Variants in LEFTY2 observed in about 807,000 individuals in gnomAD.
The protein encoded by LEFTY2 is TGF-beta-4.
In LEFTY2, 10 loss-of-function variants were observed where a neutral mutation model predicts 26.4. That is an observed-to-expected ratio of 0.38 (90% CI 0.23 to 0.64). The LOEUF (loss-of-function observed/expected upper bound fraction) is 0.64. Among genes scored for constraint, LEFTY2 ranks in the 30% least tolerant of loss-of-function variants. The probability of loss-of-function intolerance (pLI) is 0.56; values close to 1 mark genes in which losing one functional copy is unlikely to be tolerated. For synonymous variants in LEFTY2, 204 were observed against 234.1 expected (o/e 0.87, Z 1.17); for missense variants, 407 against 502.1 (o/e 0.81, Z 1.81).
chr1:225,937,723 C>T lies in LEFTY2; in HGVS notation c.819G>A (p.Gln273=). ...CCCAGTTCTTGGCCCACTTCATCCC[C>T]TGCAGGTCAATGTACATCTCCTGGC... ...CCRQEMYIDL[Q]GMKWAKNWVL... The change falls in exon 4 of 4, where the codon CAG becomes CAA. Residue 273 remains glutamine, a synonymous_variant. Transcript: ENST00000366820. 6.2e-7 allele frequency: 1 copy of T among 1,612,742 alleles called. No homozygotes were observed. The highest frequency in any genetic ancestry group is 8.5e-7 in the Non-Finnish European group (1 of 1,178,926).
rs1576154563 is a variant in LEFTY2, at chr1:225,936,697, A to G, written c.*744T>C. ...GCAAATACATGTGGTTTCTGGTGAC[A>G]AGTTCTCTAAGACAGTGTGGGAAAT... On this transcript the variant is annotated 3_prime_UTR_variant, in exon 4 of 4. Coordinates refer to ENST00000366820, the MANE Select transcript of LEFTY2 (RefSeq NM_003240.5). 1.3e-5 allele frequency: 2 copies of G among 152,330 alleles called. No individual in the cohort carries two copies. The highest frequency in any genetic ancestry group is 3.9e-4 in the East Asian group (2 of 5,184). 9.4% of individuals were successfully genotyped at this position (152,330 alleles called of 1,614,324 possible).
chr1:225,939,548 C>T lies in LEFTY2; in HGVS notation c.550G>A (p.Val184Met). 1 of 1,611,964 alleles carries T rather than the reference C, an allele frequency of 6.2e-7. No homozygotes were observed. The highest frequency in any genetic ancestry group is 8.5e-7 in the Non-Finnish European group (1 of 1,179,770). Residue 184 changes from valine to methionine, a missense_variant, in exon 3 of 4, where the codon GTG (valine) becomes ATG (methionine). Transcript: ENST00000366820. This position sits in a 1 kb window ranked among gnomAD's most constrained non-coding sequence, Gnocchi z 4.1. ...GWKAFDVTEAVNFWQQLSRPR... is the reference protein window; with the variant it reads ...GWKAFDVTEAMNFWQQLSRPR... ...CGGCTCAGCTGCTGCCAGAAGTTCA[C>T]GGCCTCGGTCACGTCGAAGGCCTTC... is the stretch of plus-strand genomic sequence containing the variant.
At position 225,939,322 on chromosome 1, in the gene LEFTY2, G is replaced by C. The variant is rs1250195834; in HGVS notation, c.737+39C>G. 5.6e-6 allele frequency: 9 copies of C among 1,612,532 alleles called. No individual in the cohort carries two copies. Among genetic ancestry groups the C allele is most frequent in the Non-Finnish European group, 3.4e-6 (4 of 1,179,578 alleles). On this transcript the variant is annotated intron_variant, in intron 3 of 3. Transcript: ENST00000366820. This position sits in a 1 kb window ranked among gnomAD's most constrained non-coding sequence, Gnocchi z 4.1. ...TGGGGACGGGGGTCTGGACCACTCA[G>C]TGGCTGCTTGCCTCCCTTCTGCCCA...
In LEFTY2 at chr1:225,941,122, A is replaced by G. The variant is rs1355169370; in HGVS notation, c.19T>C (p.Cys7Arg). The change falls in exon 1 of 4, where the codon TGC (cysteine) becomes CGC (arginine). Residue 7 changes from cysteine to arginine, a missense_variant. Physicochemically the swap from Cys to Arg is radical, Grantham distance 180. Transcript: ENST00000366820. Reference protein sequence around the residue: MWPLWLCWALWVLPLAG... With the variant: MWPLWLRWALWVLPLAG... Reference sequence around the variant, plus strand: ...AGGGGCAGCACCCAGAGTGCCCAGCAGAGCCACAGGGGCCACATGGTGCTG... The same window carrying G: ...AGGGGCAGCACCCAGAGTGCCCAGCGGAGCCACAGGGGCCACATGGTGCTG... The G allele has an allele frequency of 6.4e-7, 1 of 1,573,178 alleles. No individual in the cohort carries two copies. Among genetic ancestry groups the G allele is most frequent in the Non-Finnish European group, 8.6e-7 (1 of 1,161,500 alleles).
Position 225,937,168 on chromosome 1 carries a change from G to A in LEFTY2, c.*273C>T. ...ATTTGCCAGAGAACAGAAACTCCCA[G>A]CTGAAAATGTGTGCATTGCTCAGCT... On this transcript the variant is annotated 3_prime_UTR_variant, in exon 4 of 4. Transcript: ENST00000366820. 1 of 567,410 alleles carries A rather than the reference G, an allele frequency of 1.8e-6. No individual in the cohort carries two copies. The allele number at this position is 567,410 out of a possible 1,614,324, so 35.1% of individuals were successfully genotyped here.
At chr1:225,937,917 A>T (rs3007716) in intron 3 of LEFTY2, 113 bp from the exon 4 acceptor site, 1 of 1,347,030 alleles carries the variant, frequency 7.4e-7, no homozygotes, top group Non-Finnish European at 1.0e-6. Context: ...AGCTCTCACT[A>T]TGTTCTAAAA....
chr1:225,939,393 C>A lies in LEFTY2; in HGVS notation c.705G>T (p.Leu235=), dbSNP rs866600710. Reference sequence around the variant, plus strand: ...CCCTGAGGTCCAGGGTGTGCAGCTCCAGCTGGGGCTCCCCAAGCCCGGCTG... The same window carrying A: ...CCCTGAGGTCCAGGGTGTGCAGCTCAAGCTGGGGCTCCCCAAGCCCGGCTG... ...GAPAGLGEPQ[L]ELHTLDLRDY... Residue 235 remains leucine, a synonymous_variant, in exon 3 of 4, where the codon CTG becomes CTT. Coordinates refer to ENST00000366820, the MANE Select transcript of LEFTY2 (RefSeq NM_003240.5). This position sits in a 1 kb window ranked among gnomAD's most constrained non-coding sequence, Gnocchi z 4.1. 3 of 1,613,436 alleles carry A rather than the reference C, an allele frequency of 1.9e-6. No individual in the cohort carries two copies. Among genetic ancestry groups the A allele is most frequent in the Non-Finnish European group, 2.5e-6 (3 of 1,179,850 alleles).
Position 225,937,329 on chromosome 1 carries a change from C to CA in LEFTY2, c.*111dup. On this transcript the variant is annotated 3_prime_UTR_variant, in exon 4 of 4. Coordinates refer to ENST00000366820, the MANE Select transcript of LEFTY2 (RefSeq NM_003240.5). ...GGAAGGACACAGGGCGAAGGTCACA[C>CA]AGGAGCACTAAATTGGGATGGAGTA... 1 of 1,559,040 alleles carries CA rather than the reference C, an allele frequency of 6.4e-7. No individual in the cohort carries two copies.
At chr1:225,940,752 A>T in intron 1 of LEFTY2, 139 bp downstream of exon 1, 1 of 1,338,354 alleles carries the variant, frequency 7.5e-7, no homozygotes, top group South Asian at 1.4e-5. Flanking sequence ...GCTCCTCCTC[A>T]CTGCTCCTTG....
chr1:225,938,502 C>T (rs528312955), intron 3 of LEFTY2, among the ~76,000 whole-genome samples: 27 of 152,106 alleles, frequency 1.8e-4, no homozygotes, highest in African/African-American at 5.8e-4. Flanking sequence ...TACAGGCGCC[C>T]GCCACCACGC....
Position 225,941,087 on chromosome 1 carries a change from G to T in LEFTY2, c.54C>A (p.Pro18=), listed in dbSNP as rs370508860. 2.5e-6 allele frequency: 4 copies of T among 1,595,954 alleles called. No individual in the cohort carries two copies. In the African/African-American group the frequency reaches 5.4e-5, roughly 21 times the overall value. ...WALWVLPLAG[P]GAALTEEQLL... ...GCTGCTCCTCGGTCAGGGCCGCCCC[G>T]GGGCCAGCCAGGGGCAGCACCCAGA... The change falls in exon 1 of 4, where the codon CCC becomes CCA. Residue 18 remains proline, a synonymous_variant. Transcript: ENST00000366820.
Position 225,939,928 on chromosome 1 carries a change from G to A in LEFTY2, c.325C>T (p.Pro109Ser), listed in dbSNP as rs1576157558. Reference protein sequence around the residue: ...LVFGMEQRLPPNSELVQAVLR... With the variant: ...LVFGMEQRLPSNSELVQAVLR... ...ACGGCCTGCACCAGCTCGCTGTTGG[G>A]CGGCAGCCGCTGCTCCATGCCGAAC... The change falls in exon 2 of 4, where the codon CCC (proline) becomes TCC (serine). Residue 109 changes from proline to serine, a missense_variant. Pro to Ser is a moderately conservative substitution (Grantham distance 74). Transcript: ENST00000366820. This position sits in a 1 kb window ranked among gnomAD's most constrained non-coding sequence, Gnocchi z 4.1. 1.9e-6 allele frequency: 3 copies of A among 1,587,202 alleles called. No individual in the cohort carries two copies. The highest frequency in any genetic ancestry group is 2.6e-6 in the Non-Finnish European group (3 of 1,175,966).
rs1205551907 is a variant in LEFTY2 at position 225,939,634 on chromosome 1, C to A, written c.498-34G>T. 2 of 1,612,348 alleles carry A rather than the reference C, an allele frequency of 1.2e-6. No individual in the cohort carries two copies. The highest frequency in any genetic ancestry group is 1.7e-6 in the Non-Finnish European group (2 of 1,179,776). ...TGATACACACGACACGGAGACCCAGCGCCGCTTGAGGGCGGGGACTGGGAC... is the reference window on the plus strand; with the variant it reads ...TGATACACACGACACGGAGACCCAGAGCCGCTTGAGGGCGGGGACTGGGAC... On this transcript the variant is annotated intron_variant, in intron 2 of 3. Coordinates refer to ENST00000366820, the MANE Select transcript of LEFTY2 (RefSeq NM_003240.5). This position sits in a 1 kb window ranked among gnomAD's most constrained non-coding sequence, Gnocchi z 4.1.
rs917954191 is a variant in LEFTY2, at chr1:225,937,262, G to T, written c.*179C>A. 3 of 911,382 alleles carry T rather than the reference G, an allele frequency of 3.3e-6. No individual in the cohort carries two copies. Among genetic ancestry groups the T allele is most frequent in the South Asian group, 1.5e-5 (1 of 65,266 alleles). 56.5% of individuals were successfully genotyped at this position (911,382 alleles called of 1,614,324 possible). A position where few individuals can be genotyped will look rare whatever the true frequency, so the allele number is the denominator to read the frequency against. On this transcript the variant is annotated 3_prime_UTR_variant, in exon 4 of 4. Coordinates refer to ENST00000366820, the MANE Select transcript of LEFTY2 (RefSeq NM_003240.5). ...CATCTGAGCTGCATTATTTACTCACGTAAGTGCTTAGGATGGGTGATGGAC... is the reference window on the plus strand; with the variant it reads ...CATCTGAGCTGCATTATTTACTCACTTAAGTGCTTAGGATGGGTGATGGAC...
Position 225,937,761 on chromosome 1 carries a change from T to C in LEFTY2, c.781A>G (p.Thr261Ala). The C allele has an allele frequency of 6.2e-7, 1 of 1,611,204 alleles. No individual in the cohort carries two copies. The highest frequency in any genetic ancestry group is 8.5e-7 in the Non-Finnish European group (1 of 1,178,218). ...TACATCTCCTGGCGGCAGCAGCGGG[T>C]GCCCTCGGTCATTGGTGCTTCAGGG... ...CDPEAPMTEG[T>A]RCCRQEMYID... Residue 261 changes from threonine (T) to alanine (A), a missense_variant, in exon 4 of 4, where the codon ACC becomes GCC. Physicochemically the swap from Thr to Ala is moderately conservative, Grantham distance 58 (BLOSUM62 0). Transcript: ENST00000366820.
rs769210186 is a variant in LEFTY2, at chr1:225,937,594, A to G, written c.948T>C (p.Cys316=). 1.2e-5 allele frequency: 19 copies of G among 1,613,948 alleles called. No homozygotes were observed. The highest frequency in any genetic ancestry group is 1.7e-5 in the Admixed American group (1 of 60,010). ...GCAGCGAGGCAGTCTCCGAGGCGAT[A>G]CACTGTCGCGGCCCCAGAAATGGCC... The part of the protein sequence containing the change: ...FNWPFLGPRQ[C]IASETASLPM... Residue 316 remains cysteine, a synonymous_variant, in exon 4 of 4, where the codon TGT becomes TGC. Transcript: ENST00000366820.
Position 225,939,244 on chromosome 1 carries a change from C to T in LEFTY2, c.737+117G>A. 2 of 1,496,452 alleles carry T rather than the reference C, an allele frequency of 1.3e-6. No individual in the cohort carries two copies. Among genetic ancestry groups the T allele is most frequent in the East Asian group, 4.9e-5 (2 of 40,976 alleles). The allele number at this position is 1,496,452 out of a possible 1,614,324, so 92.7% of individuals were successfully genotyped here. ...GCTGGCATCCTGGGACAGTCTGCAC[C>T]GCGCTCTCCCTACCCCTAGCCCACC... On this transcript the variant is annotated intron_variant, in intron 3 of 3. Transcript: ENST00000366820. The surrounding 1 kb of genome is among the most constrained non-coding windows in gnomAD (Gnocchi z 4.1).
Position 225,937,780 on chromosome 1 carries a change from T to C in LEFTY2, c.762A>G (p.Glu254=). 6 of 1,611,964 alleles carry C rather than the reference T, an allele frequency of 3.7e-6. No individual in the cohort carries two copies. Among genetic ancestry groups the C allele is most frequent in the Non-Finnish European group, 5.1e-6 (6 of 1,178,886 alleles). The change falls in exon 4 of 4, where the codon GAA becomes GAG. Residue 254 remains glutamate (E), a synonymous_variant. Transcript: ENST00000366820. ...DYGAQGDCDP[E]APMTEGTRCC... ...AGCGGGTGCCCTCGGTCATTGGTGC[T>C]TCAGGGTCACAGTCGCCCTGAGCTC... is the stretch of plus-strand genomic sequence containing the variant.
At chr1:225,938,298 T>C (rs1261518372) in intron 3 of LEFTY2, among the ~76,000 whole-genome samples, 1 of 152,236 alleles carries the variant, frequency 6.6e-6, no homozygotes, top group Non-Finnish European at 1.5e-5. Context: ...GGAAAGCTCA[T>C]CGCCCCTAGT....
Sources: allele counts gnomAD v4.1 joint callset (sites outside exome capture counted in the v4.1 genomes callset), GRCh38; gene constraint gnomAD v4.1.1; non-coding constraint Gnocchi (gnomAD v3.1); transcripts MANE v1.5; gene names NCBI Gene and HGNC (gene_info 2026-07-23, HGNC 2026-07-21).